The following DACH1 variants were observed in gnomAD, a reference collection of about 807,000 sequenced individuals.
DACH1 encodes dachshund homolog 1.
DACH1 carries 12 observed loss-of-function variants against 54.2 expected under a neutral mutation model. That is an observed-to-expected ratio of 0.22 (90% confidence interval 0.14 to 0.36). The LOEUF is 0.36. Ranked by LOEUF, DACH1 falls within the 10% of genes least tolerant of loss-of-function variation. DACH1 has a pLI of 1.00. For missense variants in DACH1, 805 were observed against 929.8 expected (o/e 0.87, Z 1.75); for synonymous variants, 386 against 366.2 (o/e 1.05, Z -0.62).
rs767902341 is a variant in DACH1, at chr13:71,775,127, C to CTTT, written c.848+90792_848+90794dup. ...GAGCAAGACTCCATCTCAACACAAG[C>CTTT]TTTTTTTTTTTTTTTTTTTTTTTTT... On this transcript the variant is annotated intron_variant, in intron 1 of 10. Transcript: ENST00000613252. Among the ~76,000 whole-genome samples, 35 of 54,020 alleles carry CTTT rather than the reference C, an allele frequency of 6.5e-4. 3 individuals carry two copies. The highest frequency in any genetic ancestry group is 1.7e-3 in the African/African-American group (22 of 12,954). The allele number at this position is 54,020 out of a possible 152,430, so 35.4% of individuals were successfully genotyped here. A position where few individuals can be genotyped will look rare whatever the true frequency, so the allele number is the denominator to read the frequency against.
At chr13:71,607,330 T>C (rs1566374303) in intron 3 of DACH1, among the ~76,000 whole-genome samples, 1 of 152,050 alleles carries the variant, frequency 6.6e-6, no homozygotes, top group Non-Finnish European at 1.5e-5. Flanking sequence ...TATTATTGTT[T>C]TGTATAAAAC....
chr13:71,699,015 C>T (rs539717348), intron 1 of DACH1, among the ~76,000 whole-genome samples: 13 of 152,102 alleles, frequency 8.5e-5, no homozygotes, highest in Admixed American at 2.6e-4. Flanking sequence ...TACAGAAGAC[C>T]TTTATTTTAG....
intron 2 of DACH1, among the ~76,000 whole-genome samples, chr13:71,663,269 G>GT (rs1432590844): frequency 1.3e-5 from 2 of 151,468 alleles, no homozygotes; most frequent in Non-Finnish European, 3.0e-5. Flanking sequence ...ACATCAATCA[G>GT]TTATCTTTGT....
chr13:71,731,785 TTC>T (rs1883761178), intron 1 of DACH1, among the ~76,000 whole-genome samples: 1 of 152,184 alleles, frequency 6.6e-6, no homozygotes, highest in African/African-American at 2.4e-5. Context: ...TTCCCAAATA[TTC>T]TGTCTCTATA....
intron 2 of DACH1, among the ~76,000 whole-genome samples, chr13:71,640,929 T>C (rs1385355931): frequency 6.6e-6 from 1 of 152,098 alleles, no homozygotes; most frequent in Non-Finnish European, 1.5e-5. Context: ...GTTCTACTTT[T>C]CTCAATATCA....
chr13:71,517,617 T>C (rs1175867969), intron 6 of DACH1, among the ~76,000 whole-genome samples: 1 of 151,890 alleles, frequency 6.6e-6, no homozygotes, highest in Non-Finnish European at 1.5e-5. Context: ...CAAATAAACG[T>C]TAAGGAAATA....
chr13:71,619,964 G>A (rs1180064613), intron 3 of DACH1, among the ~76,000 whole-genome samples: 1 of 151,864 alleles, frequency 6.6e-6, no homozygotes, highest in East Asian at 1.9e-4. Flanking sequence ...GTATGTGAAA[G>A]TACCAGAAGA....
At chr13:71,633,489 T>C (rs1280343237) in intron 2 of DACH1, among the ~76,000 whole-genome samples, 1 of 152,180 alleles carries the variant, frequency 6.6e-6, no homozygotes, top group Non-Finnish European at 1.5e-5. Context: ...AAATATTCTT[T>C]ATGATTTTAT....
At chr13:71,776,893 A>G (rs2138051192) in intron 1 of DACH1, among the ~76,000 whole-genome samples, 1 of 151,998 alleles carries the variant, frequency 6.6e-6, no homozygotes, top group Non-Finnish European at 1.5e-5. Context: ...GATCTCTACA[A>G]CTTGTTCTTC....
chr13:71,742,682 C>T (rs569499900), intron 1 of DACH1, among the ~76,000 whole-genome samples: 2 of 152,228 alleles, frequency 1.3e-5, no homozygotes, highest in African/African-American at 4.8e-5. Context: ...TAAATGTCAC[C>T]TTGGGAATAT....
At chr13:71,765,738 T>C (rs1885591534) in intron 1 of DACH1, among the ~76,000 whole-genome samples, 1 of 152,166 alleles carries the variant, frequency 6.6e-6, no homozygotes, top group African/African-American at 2.4e-5. Context: ...GGAAGTGAGA[T>C]TTAAGACCCC....
At chr13:71,536,458 C>T (rs1271000264) in intron 6 of DACH1, among the ~76,000 whole-genome samples, 1 of 152,038 alleles carries the variant, frequency 6.6e-6, no homozygotes, top group Non-Finnish European at 1.5e-5. Flanking sequence ...GACCTGGAGG[C>T]AGTGTGCTCT....
chr13:71,560,611 C>T (rs1174949520), intron 4 of DACH1, among the ~76,000 whole-genome samples: 1 of 152,120 alleles, frequency 6.6e-6, no homozygotes, highest in Non-Finnish European at 1.5e-5. Flanking sequence ...AATCATGTCC[C>T]AGGGAAATTT....
intron 1 of DACH1, among the ~76,000 whole-genome samples, chr13:71,719,423 C>G (rs373654031): frequency 6.6e-6 from 1 of 152,142 alleles, no homozygotes; most frequent in East Asian, 1.9e-4. Flanking sequence ...CTTAACACCC[C>G]ACATTCTCAC....
At chr13:71,758,056 A>G (rs1450896948) in intron 1 of DACH1, among the ~76,000 whole-genome samples, 3 of 152,146 alleles carry the variant, frequency 2.0e-5, no homozygotes, top group African/African-American at 7.2e-5. Context: ...AATTTCAAAT[A>G]TTTTTAAATT....
intron 2 of DACH1, among the ~76,000 whole-genome samples, chr13:71,650,037 T>C (rs1878564275): frequency 6.6e-6 from 1 of 152,160 alleles, no homozygotes; most frequent in African/African-American, 2.4e-5. Flanking sequence ...AGCTACCCCA[T>C]GATACACACA....
Position 71,526,706 on chromosome 13 carries a change from G to GTATA in DACH1, c.1570+30314_1570+30317dup, listed in dbSNP as rs36030987. 3.1e-3 allele frequency among the ~76,000 whole-genome samples: 452 copies of GTATA among 144,262 alleles called. 4 individuals carry two copies. Among genetic ancestry groups the GTATA allele is most frequent in the Admixed American group, 9.8e-3 (141 of 14,326 alleles). The allele number at this position is 144,262 out of a possible 152,430, so 94.6% of individuals were successfully genotyped here. A position where few individuals can be genotyped will look rare whatever the true frequency, so the allele number is the denominator to read the frequency against. On this transcript the variant is annotated intron_variant, in intron 6 of 10. Coordinates refer to ENST00000613252, the MANE Select transcript of DACH1 (RefSeq NM_080759.6). ...TGATCATACATACATATGTGTGTGTGTATATATATATATATATATAGGTAT... is the reference window on the plus strand; with the variant it reads ...TGATCATACATACATATGTGTGTGTGTATATATATATATATATATATATAGGTAT...
chr13:71,803,630 G>A (rs1372619933), intron 1 of DACH1, among the ~76,000 whole-genome samples: 2 of 151,990 alleles, frequency 1.3e-5, no homozygotes, highest in Non-Finnish European at 1.5e-5. Context: ...TCATTCGAAA[G>A]CAAATTATGA....
chr13:71,677,078 G>C (rs968793906), intron 2 of DACH1, among the ~76,000 whole-genome samples: 5 of 152,158 alleles, frequency 3.3e-5, no homozygotes, highest in Middle Eastern at 3.2e-3. Flanking sequence ...GATGAAATCA[G>C]AAAGTTGGCA....
Sources: allele counts gnomAD v4.1 joint callset (sites outside exome capture counted in the v4.1 genomes callset), GRCh38; gene constraint gnomAD v4.1.1; transcripts MANE v1.5; gene names NCBI Gene and HGNC (gene_info 2026-07-23, HGNC 2026-07-21).